INTS12: variants seen among roughly 807,000 people sequenced by gnomAD.
INTS12 encodes the protein integrator complex subunit 12.
In INTS12, 13 loss-of-function variants were observed where a neutral mutation model predicts 41.6. The ratio of observed to expected loss-of-function variants is 0.31; its 90% CI spans 0.20 to 0.50. The LOEUF is 0.50. INTS12 is among the 20% of genes least tolerant of loss of function. The pLI is 0.98. For synonymous variants in INTS12, 199 were observed against 191.4 expected (o/e 1.04, Z -0.33); for missense variants, 432 against 541.6 (o/e 0.80, Z 2.01).
At position 105,683,307 on chromosome 4, in the gene INTS12, A is replaced by C. The variant is rs751741635; in HGVS notation, c.815T>G (p.Val272Gly). The C allele has an allele frequency of 1.2e-6, 2 of 1,607,468 alleles. No homozygotes were observed. The highest frequency in any genetic ancestry group is 1.1e-5 in the South Asian group (1 of 90,550). Residue 272 changes from valine (V) to glycine (G), a missense_variant, in exon 8 of 8, where the codon GTT (valine) becomes GGT (glycine). Physicochemically the swap from Val to Gly is moderately radical, Grantham distance 109. Around this residue, in one of 3 missense-constraint regions of INTS12, gnomAD observed 258 missense variants for 309.9 expected, o/e 0.83. Transcript: ENST00000340139. Reference sequence around the variant, plus strand: ...GGCACTAGAAGAATTTCCTGAAATAACTGTGGATGTCTAAAAAAATAAAGT... The same window carrying C: ...GGCACTAGAAGAATTTCCTGAAATACCTGTGGATGTCTAAAAAAATAAAGT... ...FKRTEVKTST[V>G]ISGNSSSASV...
chr4:105,699,366 T>C lies in INTS12; in HGVS notation c.156+484A>G, dbSNP rs541621180. 4.6e-5 allele frequency among the ~76,000 whole-genome samples: 7 copies of C among 152,282 alleles called. No individual in the cohort carries two copies. In the South Asian group the frequency reaches 1.4e-3, roughly 32 times the overall value. On this transcript the variant is annotated intron_variant, in intron 3 of 7. Transcript: ENST00000340139. ...ATATTCTTTTCACATAAAGCTGCCA[T>C]TGGCTGCTTTGTTATTATCAAGACA...
chr4:105,691,943 A>T, intron 6 of INTS12, 33 bp downstream of exon 6: 1 of 1,455,884 alleles, frequency 6.9e-7, no homozygotes, highest in Non-Finnish European at 9.1e-7. Context: ...ACATTGACAG[A>T]CTGTTTAAAA....
At chr4:105,707,331 T>C (rs79565208) in intron 1 of INTS12, among the ~76,000 whole-genome samples, 1 of 151,686 alleles carries the variant, frequency 6.6e-6, no homozygotes, top group South Asian at 2.1e-4. Context: ...TTTTTTTTTT[T>C]GGCACAAGTG....
chr4:105,683,747 AT>A (rs995904144), intron 7 of INTS12, among the ~76,000 whole-genome samples: 32 of 152,162 alleles, frequency 2.1e-4, no homozygotes, highest in Non-Finnish European at 7.4e-5. Flanking sequence ...AAAAATGCCC[AT>A]ACCCAGAATA....
At chr4:105,697,327 G>A (rs1054780948) in intron 3 of INTS12, among the ~76,000 whole-genome samples, 7 of 152,204 alleles carry the variant, frequency 4.6e-5, no homozygotes, top group Admixed American at 2.6e-4. Flanking sequence ...GCAGCTGAGT[G>A]CAGTCTATTT....
chr4:105,692,913 C>T (rs1050850650), intron 5 of INTS12, among the ~76,000 whole-genome samples: 2 of 152,142 alleles, frequency 1.3e-5, no homozygotes, highest in African/African-American at 2.4e-5. Context: ...CAATAAATGT[C>T]TGATCAGATT....
intron 1 of INTS12, chr4:105,708,188 G>T (rs575670181): frequency 2.0e-6 from 2 of 985,284 alleles, no homozygotes; most frequent in Non-Finnish European, 1.2e-6. Flanking sequence ...AAAAGGCTCC[G>T]ATTCCAAACC....
chr4:105,692,258 C>T (rs756173911), intron 5 of INTS12, 123 bp from the exon 6 acceptor site: 132 of 843,224 alleles, frequency 1.6e-4, no homozygotes, highest in Non-Finnish European at 2.1e-4. Context: ...CCAAGGCAGG[C>T]GGATCATTTG....
At chr4:105,691,508 A>T (rs1181815256) in intron 6 of INTS12, among the ~76,000 whole-genome samples, 5 of 152,226 alleles carry the variant, frequency 3.3e-5, no homozygotes, top group Admixed American at 1.3e-4. Flanking sequence ...ACTAAGCAAC[A>T]GAGAAATGCA....
In INTS12 at chr4:105,683,087, A is replaced by G. The variant is rs1445075344; in HGVS notation, c.1035T>C (p.Gly345=). Residue 345 remains glycine, a synonymous_variant, in exon 8 of 8, where the codon GGT becomes GGC. Transcript: ENST00000340139. ...TGCTGTTATTGGAACCTATTTTGGA[A>G]CCTATTCCACCTTTGGATGATGTTG... The part of the protein sequence containing the change: ...GLATSSKGGI[G]SKIGSNNSTT... The G allele has an allele frequency of 1.2e-6, 2 of 1,613,964 alleles. No individual in the cohort carries two copies. Among genetic ancestry groups the G allele is most frequent in the African/African-American group, 2.7e-5 (2 of 74,912 alleles).
chr4:105,684,608 T>C (rs1228872451), intron 7 of INTS12, among the ~76,000 whole-genome samples: 1 of 152,100 alleles, frequency 6.6e-6, no homozygotes, highest in African/African-American at 2.4e-5. Flanking sequence ...CCACATACTC[T>C]GAAAATTGAT....
intron 3 of INTS12, among the ~76,000 whole-genome samples, chr4:105,698,474 G>A (rs1298913201): frequency 6.6e-6 from 1 of 152,152 alleles, no homozygotes; most frequent in Non-Finnish European, 1.5e-5. Context: ...AGAAACCTAA[G>A]GGCAGCGTGC....
At chr4:105,702,019 T>C (rs1425144281) in intron 2 of INTS12, among the ~76,000 whole-genome samples, 1 of 152,144 alleles carries the variant, frequency 6.6e-6, no homozygotes, top group Non-Finnish European at 1.5e-5. Context: ...ATTATAAAAC[T>C]TAACAGGCTT....
At position 105,683,075 on chromosome 4, in the gene INTS12, A is replaced by G; in HGVS notation, c.1047T>C (p.Gly349=). 6.2e-7 allele frequency: 1 copy of G among 1,613,976 alleles called. No individual in the cohort carries two copies. Residue 349 remains glycine, a synonymous_variant, in exon 8 of 8, where the codon GGT becomes GGC. Transcript: ENST00000340139. ...CAGTGGGCGTAGTGCTGTTATTGGA[A>G]CCTATTTTGGAACCTATTCCACCTT... ...SSKGGIGSKI[G]SNNSTTPTVP... is the part of the protein sequence containing the mutation.
intron 1 of INTS12, among the ~76,000 whole-genome samples, chr4:105,704,789 T>G (rs996908330): frequency 6.6e-6 from 1 of 152,156 alleles, no homozygotes; most frequent in African/African-American, 2.4e-5. Context: ...AGAAGCAGCT[T>G]TAACTCTTCC....
intron 7 of INTS12, among the ~76,000 whole-genome samples, chr4:105,686,009 T>G (rs1480360190): frequency 6.6e-6 from 1 of 152,170 alleles, no homozygotes; most frequent in Non-Finnish European, 1.5e-5. Flanking sequence ...TCAAGTAGTG[T>G]GGGGAGCAAA....
At chr4:105,684,295 T>C (rs1392223207) in intron 7 of INTS12, among the ~76,000 whole-genome samples, 1 of 152,158 alleles carries the variant, frequency 6.6e-6, no homozygotes, top group Admixed American at 6.5e-5. Context: ...AACTTCTTAT[T>C]GACACCTTTT....
At chr4:105,707,354 C>G (rs1157846222) in intron 1 of INTS12, among the ~76,000 whole-genome samples, 1 of 150,546 alleles carries the variant, frequency 6.6e-6, no homozygotes, top group African/African-American at 2.4e-5. Flanking sequence ...ATGTCCCCTA[C>G]AAAACTCTGA....
chr4:105,683,634 T>C (rs1731403000), intron 7 of INTS12, among the ~76,000 whole-genome samples: 1 of 152,204 alleles, frequency 6.6e-6, no homozygotes, highest in Admixed American at 6.5e-5. Context: ...ACATAGTTTT[T>C]ACCCAACAAA....
Sources: allele counts gnomAD v4.1 joint callset (sites outside exome capture counted in the v4.1 genomes callset), GRCh38; gene constraint gnomAD v4.1.1; regional missense constraint gnomAD v4.1.1; transcripts MANE v1.5; gene names NCBI Gene and HGNC (gene_info 2026-07-23, HGNC 2026-07-21).